The following IL15 variants were observed in gnomAD, a reference collection of about 807,000 sequenced individuals.
IL15 encodes the protein interleukin 15.
Under a neutral mutation model 19.6 loss-of-function variants are expected in IL15, and 11 were observed. That is an observed-to-expected ratio of 0.56 (90% CI 0.35 to 0.93). The LOEUF is 0.93. IL15 is among the 40% of genes least tolerant of loss of function. The pLI, the probability that IL15 is intolerant of heterozygous loss-of-function variation, is 0.01. For missense variants in IL15, 197 were observed against 186.5 expected (o/e 1.06, Z -0.33); for synonymous variants, 58 against 59.6 (o/e 0.97, Z 0.12).
chr4:141,732,883 TAACA>T lies in IL15; in HGVS notation c.*40_*43del. ...ATTCTTTTTAAAGTGTTTCTGTTAT[TAACA>T]AACATCACTCTGCTGCTTAGACATA... On this transcript the variant is annotated 3_prime_UTR_variant, in exon 8 of 8. Transcript: ENST00000320650. 1 of 1,594,172 alleles carries T rather than the reference TAACA, an allele frequency of 6.3e-7. No individual in the cohort carries two copies. The highest frequency in any genetic ancestry group is 8.5e-7 in the Non-Finnish European group (1 of 1,173,182).
intron 6 of IL15, 123 bp downstream of exon 6, chr4:141,728,107 A>G: frequency 1.8e-6 from 1 of 570,016 alleles, no homozygotes. Context: ...TCTATAATAT[A>G]TGGTCAATGA....
intron 2 of IL15, among the ~76,000 whole-genome samples, chr4:141,675,159 A>C (rs1728301018): frequency 6.6e-6 from 1 of 152,224 alleles, no homozygotes; most frequent in African/African-American, 2.4e-5. Context: ...TGAAAAAAAA[A>C]AACCAGATGA....
At chr4:141,731,019 T>G (rs974562749) in intron 7 of IL15, among the ~76,000 whole-genome samples, 1 of 152,120 alleles carries the variant, frequency 6.6e-6, no homozygotes, top group African/African-American at 2.4e-5. Context: ...TAGGCTGAGC[T>G]AATAAGCTGC....
chr4:141,727,517 T>C (rs758769170), intron 5 of IL15, among the ~76,000 whole-genome samples: 1 of 152,052 alleles, frequency 6.6e-6, no homozygotes, highest in Non-Finnish European at 1.5e-5. Context: ...GAAAGGTGAC[T>C]TTGGTTATGA....
At chr4:141,682,598 A>G (rs957861820) in intron 2 of IL15, among the ~76,000 whole-genome samples, 2 of 152,220 alleles carry the variant, frequency 1.3e-5, no homozygotes, top group African/African-American at 4.8e-5. Context: ...TCAGTGGCAC[A>G]TGAACACATG....
intron 2 of IL15, among the ~76,000 whole-genome samples, chr4:141,708,616 GA>G (rs1729603708): frequency 6.6e-6 from 1 of 152,124 alleles, no homozygotes; most frequent in South Asian, 2.1e-4. Flanking sequence ...TACCCCATAA[GA>G]AGAAGTCTCC....
chr4:141,665,860 T>C (rs1449041342), intron 2 of IL15, among the ~76,000 whole-genome samples: 2 of 152,124 alleles, frequency 1.3e-5, no homozygotes, highest in Non-Finnish European at 2.9e-5. Flanking sequence ...TTCTGTCTCA[T>C]AACTCCCATA....
intron 2 of IL15, among the ~76,000 whole-genome samples, chr4:141,672,434 A>AT (rs1728205794): frequency 6.6e-6 from 1 of 152,210 alleles, no homozygotes; most frequent in Non-Finnish European, 1.5e-5. Flanking sequence ...ATTTTAATCA[A>AT]GTAGTTTCAA....
chr4:141,677,032 T>G (rs1728370466), intron 2 of IL15, among the ~76,000 whole-genome samples: 1 of 152,230 alleles, frequency 6.6e-6, no homozygotes, highest in African/African-American at 2.4e-5. Flanking sequence ...TCATGGACCC[T>G]TCTATGATAC....
At chr4:141,637,048 C>G (rs756928777) in intron 1 of IL15, 1 of 152,278 alleles carries the variant, frequency 6.6e-6, no homozygotes, top group Non-Finnish European at 1.5e-5. Context: ...TGCGCTCTTA[C>G]GGCGTTCCAG....
At chr4:141,642,109 T>C (rs181684815) in intron 1 of IL15, among the ~76,000 whole-genome samples, 5 of 152,334 alleles carry the variant, frequency 3.3e-5, no homozygotes, top group Admixed American at 2.6e-4. Flanking sequence ...AATGCTTTGA[T>C]TAAAGATGTC....
intron 2 of IL15, among the ~76,000 whole-genome samples, chr4:141,669,974 T>C (rs997736464): frequency 5.3e-5 from 8 of 151,724 alleles, no homozygotes; most frequent in Non-Finnish European, 1.5e-5. Flanking sequence ...CTAATTAAGA[T>C]AGATTATTAT....
At chr4:141,651,351 T>C (rs892339331) in intron 1 of IL15, among the ~76,000 whole-genome samples, 2 of 152,090 alleles carry the variant, frequency 1.3e-5, no homozygotes, top group Non-Finnish European at 2.9e-5. Context: ...TGTGGTATAT[T>C]GTCACTTAGA....
At chr4:141,665,411 G>A (rs2152164286) in intron 2 of IL15, among the ~76,000 whole-genome samples, 1 of 152,042 alleles carries the variant, frequency 6.6e-6, no homozygotes, top group East Asian at 1.9e-4. Context: ...TTATGACCTA[G>A]TATTTATTTT....
chr4:141,680,193 T>A (rs1728486760), intron 2 of IL15, among the ~76,000 whole-genome samples: 1 of 152,236 alleles, frequency 6.6e-6, no homozygotes, highest in Non-Finnish European at 1.5e-5. Context: ...AGGATTCTGA[T>A]AGGGAAACTA....
At chr4:141,729,810 G>GA (rs761715054) in intron 6 of IL15, 37 bp from the exon 7 acceptor site, 2 of 1,214,132 alleles carry the variant, frequency 1.6e-6, no homozygotes, top group Admixed American at 3.9e-5. Flanking sequence ...TTAATAATCA[G>GA]AAAAAAGTAA....
intron 2 of IL15, among the ~76,000 whole-genome samples, chr4:141,663,561 G>A (rs1168330822): frequency 1.3e-5 from 2 of 152,104 alleles, no homozygotes; most frequent in African/African-American, 2.4e-5. Flanking sequence ...TGGCAAAAAC[G>A]GCATGATCTA....
chr4:141,693,603 A>T (rs1364899794), intron 2 of IL15, among the ~76,000 whole-genome samples: 1 of 152,226 alleles, frequency 6.6e-6, no homozygotes, highest in South Asian at 2.1e-4. Context: ...TAATGAATTT[A>T]TGATTTATTT....
At chr4:141,703,430 G>C (rs1359759085) in intron 2 of IL15, among the ~76,000 whole-genome samples, 1 of 152,098 alleles carries the variant, frequency 6.6e-6, no homozygotes, top group Non-Finnish European at 1.5e-5. Context: ...GTTCATACTA[G>C]AGACTCAGAA....
Sources: allele counts gnomAD v4.1 joint callset (sites outside exome capture counted in the v4.1 genomes callset), GRCh38; gene constraint gnomAD v4.1.1; transcripts MANE v1.5; gene names NCBI Gene and HGNC (gene_info 2026-07-23, HGNC 2026-07-21).